Variants in TRPM3 observed in about 807,000 individuals in gnomAD.
The protein encoded by TRPM3 is long transient receptor potential channel 3.
A neutral mutation model predicts 181.2 loss-of-function variants in TRPM3; 77 were observed. That is an observed-to-expected ratio of 0.42 (90% confidence interval 0.35 to 0.51). The LOEUF is 0.51. Ranked by LOEUF, TRPM3 falls within the 20% of genes least tolerant of loss-of-function variation. The probability of loss-of-function intolerance (pLI) is 0.01; values close to 1 mark genes in which losing one functional copy is unlikely to be tolerated. For missense variants in TRPM3, 1,759 were observed against 2,196.7 expected (o/e 0.80, Z 3.98); for synonymous variants, 745 against 796.4 (o/e 0.94, Z 1.09).
At chr9:70,917,598 T>C (rs2096613847) in intron 1 of TRPM3, 4 of 436,286 alleles carry the variant, frequency 9.2e-6, no homozygotes, top group Non-Finnish European at 1.8e-5. Context: ...GCTTATACTA[T>C]AGATTCACAA....
Position 70,664,656 on chromosome 9 carries a change from T to TG in TRPM3, c.1345+16849_1345+16850insC, listed in dbSNP as rs1420847194. On this transcript the variant is annotated intron_variant, in intron 9 of 25. Transcript: ENST00000677713. Reference sequence around the variant, plus strand: ...TAGGAGAGTAGTTTTTTTTTTTTTTTTTTTTTTTTTTTGAGACTGAGTCTC... The same window carrying TG: ...TAGGAGAGTAGTTTTTTTTTTTTTTTGTTTTTTTTTTTTGAGACTGAGTCTC... 1.7e-3 allele frequency among the ~76,000 whole-genome samples: 154 copies of TG among 92,952 alleles called. 1 individual carries two copies. The South Asian group carries it at 0.022, about 13-fold the overall frequency. The allele number at this position is 92,952 out of a possible 152,430, so 61.0% of individuals were successfully genotyped here.
intron 1 of TRPM3, among the ~76,000 whole-genome samples, chr9:70,871,270 T>C (rs866069974): frequency 3.3e-4 from 50 of 151,932 alleles, no homozygotes; most frequent in African/African-American, 1.1e-3. Context: ...GTAAGAAATA[T>C]TTTAACAGTT....
chr9:71,228,007 T>A (rs1156849557), intron 1 of TRPM3, among the ~76,000 whole-genome samples: 1 of 152,078 alleles, frequency 6.6e-6, no homozygotes, highest in Non-Finnish European at 1.5e-5. Flanking sequence ...ACCCTGATCA[T>A]CAAACCAGAC....
chr9:71,243,101 G>T (rs2081814547), intron 1 of TRPM3, among the ~76,000 whole-genome samples: 1 of 152,126 alleles, frequency 6.6e-6, no homozygotes, highest in East Asian at 1.9e-4. Context: ...GAGTACAGTG[G>T]CATGATCTCA....
intron 1 of TRPM3, among the ~76,000 whole-genome samples, chr9:70,923,902 AC>A (rs1220050845): frequency 1.4e-5 from 2 of 144,212 alleles, no homozygotes; most frequent in African/African-American, 5.0e-5. Context: ...ATATACATAC[AC>A]ACACACATAT....
intron 1 of TRPM3, among the ~76,000 whole-genome samples, chr9:71,212,496 A>T (rs1184255369): frequency 6.6e-6 from 1 of 152,238 alleles, no homozygotes; most frequent in African/African-American, 2.4e-5. Context: ...AAACAAATTA[A>T]TCTCTTTACC....
intron 12 of TRPM3, among the ~76,000 whole-genome samples, chr9:70,629,454 G>A (rs774792627): frequency 9.9e-5 from 15 of 152,070 alleles, no homozygotes; most frequent in Non-Finnish European, 1.8e-4. Context: ...TCCTGCCTCA[G>A]CCTCCAGTGT....
At chr9:70,662,640 C>T (rs1447237166) in intron 9 of TRPM3, among the ~76,000 whole-genome samples, 3 of 152,166 alleles carry the variant, frequency 2.0e-5, no homozygotes, top group East Asian at 3.9e-4. Context: ...ACATGAAAAA[C>T]TGTTCAACAT....
chr9:70,894,144 T>A (rs1487213950), intron 1 of TRPM3, among the ~76,000 whole-genome samples: 1 of 152,202 alleles, frequency 6.6e-6, no homozygotes, highest in East Asian at 1.9e-4. Flanking sequence ...ACGTGCTCCT[T>A]GTTGAGCTAC....
intron 1 of TRPM3, among the ~76,000 whole-genome samples, chr9:71,050,442 A>C (rs1292137460): frequency 6.6e-6 from 1 of 152,210 alleles, no homozygotes; most frequent in East Asian, 1.9e-4. Flanking sequence ...ACTAGTTTTA[A>C]AGTCCCTGCC....
chr9:71,031,566 C>T (rs1044904795), intron 1 of TRPM3, among the ~76,000 whole-genome samples: 2 of 152,028 alleles, frequency 1.3e-5, no homozygotes, highest in Admixed American at 1.3e-4. Context: ...AGCATGCCCA[C>T]TATTGCTATG....
At chr9:71,200,569 C>T (rs1224468279) in intron 1 of TRPM3, among the ~76,000 whole-genome samples, 1 of 152,090 alleles carries the variant, frequency 6.6e-6, no homozygotes, top group Non-Finnish European at 1.5e-5. Flanking sequence ...GCATTGGGTG[C>T]ATATATATTT....
chr9:71,212,154 T>C (rs2079547119), intron 1 of TRPM3, among the ~76,000 whole-genome samples: 1 of 146,644 alleles, frequency 6.8e-6, no homozygotes, highest in African/African-American at 2.8e-5. Context: ...TATCACCCTG[T>C]TGCTCAGGCT....
chr9:70,995,983 G>A (rs2097538208), intron 1 of TRPM3, among the ~76,000 whole-genome samples: 1 of 152,138 alleles, frequency 6.6e-6, no homozygotes, highest in African/African-American at 2.4e-5. Flanking sequence ...AATGTGGAAT[G>A]CATTTTTGAA....
chr9:71,083,713 T>TACACACACAC (rs34900575), intron 1 of TRPM3, among the ~76,000 whole-genome samples: 181 of 145,386 alleles, frequency 1.2e-3, no homozygotes, highest in African/African-American at 2.7e-3. Flanking sequence ...TATTATTATG[T>TACACACACAC]ACACACACAC....
intron 7 of TRPM3, among the ~76,000 whole-genome samples, chr9:70,767,165 G>T (rs1286334292): frequency 6.6e-6 from 1 of 152,206 alleles, no homozygotes; most frequent in East Asian, 1.9e-4. Context: ...CACATCTGGT[G>T]AGTCCGGTGG....
intron 1 of TRPM3, among the ~76,000 whole-genome samples, chr9:70,925,877 T>G (rs1331885317): frequency 6.6e-6 from 1 of 151,434 alleles, no homozygotes; most frequent in Non-Finnish European, 1.5e-5. Context: ...ATGTTTACAA[T>G]GAGAAAACAA....
chr9:71,284,175 A>T (rs2085085104), intron 1 of TRPM3, among the ~76,000 whole-genome samples: 1 of 152,256 alleles, frequency 6.6e-6, no homozygotes, highest in Non-Finnish European at 1.5e-5. Context: ...CATGATACAT[A>T]GACCAGTGCC....
intron 12 of TRPM3, among the ~76,000 whole-genome samples, chr9:70,627,894 T>G (rs1463280242): frequency 6.6e-6 from 1 of 152,106 alleles, no homozygotes; most frequent in Non-Finnish European, 1.5e-5. Flanking sequence ...TTTATCCATC[T>G]AACTGAATCA....
Sources: allele counts gnomAD v4.1 joint callset (sites outside exome capture counted in the v4.1 genomes callset), GRCh38; gene constraint gnomAD v4.1.1; transcripts MANE v1.5; gene names NCBI Gene and HGNC (gene_info 2026-07-23, HGNC 2026-07-21).